The following SND1 variants were observed in gnomAD, a reference collection of about 807,000 sequenced individuals.
The protein encoded by SND1 is staphylococcal nuclease domain-containing protein 1.
A neutral mutation model predicts 121.7 loss-of-function variants in SND1; 38 were observed. The ratio of observed to expected loss-of-function variants is 0.31; its 90% CI spans 0.24 to 0.41. The LOEUF (loss-of-function observed/expected upper bound fraction) is 0.41, where lower values mean the gene tolerates loss of function less well. Among genes scored for constraint, SND1 ranks in the 10% least tolerant of loss-of-function variants. The pLI is 1.00. For missense variants in SND1, 868 were observed against 1,184.6 expected (o/e 0.73, Z 3.92); for synonymous variants, 401 against 447.4 (o/e 0.90, Z 1.31).
intron 20 of SND1, 87 bp from the exon 21 acceptor site, chr7:128,086,851 C>G: frequency 8.9e-7 from 1 of 1,120,084 alleles, no homozygotes; most frequent in South Asian, 1.3e-5. Context: ...GTTAGCATTC[C>G]CAGAGGCCTG....
intron 14 of SND1, among the ~76,000 whole-genome samples, chr7:127,912,760 A>C (rs1800486959): frequency 6.6e-6 from 1 of 152,240 alleles, no homozygotes; most frequent in Non-Finnish European, 1.5e-5. Flanking sequence ...AAGCAAGAGA[A>C]ATACAAAACC....
At chr7:127,984,420 T>C (rs1352846027) in intron 15 of SND1, among the ~76,000 whole-genome samples, 1 of 152,224 alleles carries the variant, frequency 6.6e-6, no homozygotes, top group African/African-American at 2.4e-5. Flanking sequence ...TATGTAGTTA[T>C]GGATTCTGTT....
intron 1 of SND1, among the ~76,000 whole-genome samples, chr7:127,667,078 G>A (rs1370172415): frequency 1.3e-5 from 2 of 152,090 alleles, no homozygotes; most frequent in Admixed American, 6.5e-5. Flanking sequence ...TCCTATTTGA[G>A]TTTGGAAAAT....
chr7:127,761,349 C>T (rs992809815), intron 10 of SND1, among the ~76,000 whole-genome samples: 15 of 152,240 alleles, frequency 9.9e-5, no homozygotes, highest in Admixed American at 3.3e-4. Context: ...ATCATTTTCT[C>T]AGTTACAGTT....
chr7:127,876,379 G>C (rs1461753340), intron 12 of SND1, among the ~76,000 whole-genome samples: 1 of 152,060 alleles, frequency 6.6e-6, no homozygotes, highest in Non-Finnish European at 1.5e-5. Context: ...GCCTCAACTG[G>C]GGTAGAGAGA....
intron 22 of SND1, among the ~76,000 whole-genome samples, chr7:128,090,981 C>T (rs1012016313): frequency 4.6e-5 from 7 of 152,174 alleles, no homozygotes; most frequent in African/African-American, 1.7e-4. Context: ...GAGATAAACA[C>T]CTAACATGCT....
chr7:127,879,402 A>G (rs1167839974), intron 12 of SND1, among the ~76,000 whole-genome samples: 3 of 152,174 alleles, frequency 2.0e-5, no homozygotes, highest in Admixed American at 6.5e-5. Context: ...TGGGATAGGT[A>G]GCCCACATCC....
chr7:127,823,351 G>A (rs940681577), intron 11 of SND1, among the ~76,000 whole-genome samples: 3 of 152,114 alleles, frequency 2.0e-5, no homozygotes, highest in Non-Finnish European at 1.5e-5. Context: ...GGGAGGAAGT[G>A]GGAATGGCCT....
At chr7:127,820,214 TTC>T (rs1401375646) in intron 11 of SND1, among the ~76,000 whole-genome samples, 1 of 152,220 alleles carries the variant, frequency 6.6e-6, no homozygotes, top group Non-Finnish European at 1.5e-5. Context: ...CCCAATGGTT[TTC>T]TCTCATTTGA....
intron 10 of SND1, among the ~76,000 whole-genome samples, chr7:127,779,544 A>G (rs1286554415): frequency 2.0e-5 from 3 of 152,174 alleles, no homozygotes; most frequent in Non-Finnish European, 2.9e-5. Flanking sequence ...AATGGCCTTT[A>G]TATACTGTTT....
intron 1 of SND1, among the ~76,000 whole-genome samples, chr7:127,661,277 A>C (rs1445839153): frequency 6.6e-6 from 1 of 152,068 alleles, no homozygotes; most frequent in Admixed American, 6.5e-5. Context: ...GTTGTTTTAT[A>C]TTCCTGATTT....
chr7:127,957,357 G>T (rs769273252), intron 15 of SND1, among the ~76,000 whole-genome samples: 1 of 152,182 alleles, frequency 6.6e-6, no homozygotes, highest in African/African-American at 2.4e-5. Flanking sequence ...GTACGCTATA[G>T]CCAGTTAGAT....
chr7:127,888,375 C>G (rs1799950456), intron 13 of SND1, among the ~76,000 whole-genome samples: 1 of 152,120 alleles, frequency 6.6e-6, no homozygotes, highest in South Asian at 2.1e-4. Context: ...GCCTCTGTTT[C>G]TTACCTCCAA....
chr7:127,683,420 T>TTTGG (rs1248999376), intron 1 of SND1, among the ~76,000 whole-genome samples: 1 of 152,112 alleles, frequency 6.6e-6, no homozygotes. Context: ...TCTTGCTGTG[T>TTTGG]TGTCCAGGCT....
intron 12 of SND1, among the ~76,000 whole-genome samples, chr7:127,847,588 T>A (rs1468796596): frequency 6.6e-6 from 1 of 152,240 alleles, no homozygotes; most frequent in Non-Finnish European, 1.5e-5. Context: ...AATGAGGACT[T>A]GAAAAACACT....
chr7:127,957,119 A>G (rs1017272345), intron 15 of SND1, among the ~76,000 whole-genome samples: 1 of 152,220 alleles, frequency 6.6e-6, no homozygotes, highest in South Asian at 2.1e-4. Context: ...GCATGATCCT[A>G]TAGTTCTGTC....
At chr7:127,962,987 T>C (rs1296095654) in intron 15 of SND1, among the ~76,000 whole-genome samples, 1 of 152,242 alleles carries the variant, frequency 6.6e-6, no homozygotes, top group African/African-American at 2.4e-5. Context: ...ATTTTCTTCC[T>C]TCTTAGAACC....
intron 9 of SND1, among the ~76,000 whole-genome samples, chr7:127,710,514 C>T (rs6953134): frequency 0.23 from 34,213 of 151,302 alleles, 4,524 homozygotes; most frequent in African/African-American, 0.37. Context: ...GTACAAGTTC[C>T]TTATCTTACT....
chr7:128,084,339 G>C lies in SND1; in HGVS notation c.2111-385G>C, dbSNP rs1793654218. Reference sequence around the variant, plus strand: ...GCAGGAATGGGGTACGGGCTGGCCAGCTCTCACCCTGGAGGAGGCTGTTTG... The same window carrying C: ...GCAGGAATGGGGTACGGGCTGGCCACCTCTCACCCTGGAGGAGGCTGTTTG... On this transcript the variant is annotated intron_variant, in intron 18 of 23. Transcript: ENST00000354725. Among the ~76,000 whole-genome samples, 3 of 152,208 alleles carry C rather than the reference G, an allele frequency of 2.0e-5. No individual in the cohort carries two copies. The South Asian group carries it at 6.2e-4, about 31-fold the overall frequency.
Sources: allele counts gnomAD v4.1 joint callset (sites outside exome capture counted in the v4.1 genomes callset), GRCh38; gene constraint gnomAD v4.1.1; transcripts MANE v1.5; gene names NCBI Gene and HGNC (gene_info 2026-07-23, HGNC 2026-07-21).